Variants in ZNF704 observed in about 807,000 individuals in gnomAD.
The protein encoded by ZNF704 is zinc finger protein 704.
A neutral mutation model predicts 44.7 loss-of-function variants in ZNF704; 10 were observed. The observed-to-expected ratio is 0.22, with a 90% confidence interval of 0.14 to 0.38. ZNF704 has a LOEUF of 0.38. Among genes scored for constraint, ZNF704 ranks in the 10% least tolerant of loss-of-function variants. ZNF704 has a pLI of 1.00. For missense variants in ZNF704, 390 were observed against 545.5 expected (o/e 0.71, Z 2.84); for synonymous variants, 211 against 207.6 (o/e 1.02, Z -0.14).
chr8:80,700,709 T>C (rs1417450554), intron 2 of ZNF704, among the ~76,000 whole-genome samples: 1 of 152,138 alleles, frequency 6.6e-6, no homozygotes, highest in African/African-American at 2.4e-5. Context: ...ATGGACAAAA[T>C]GTTAACAATT....
intron 5 of ZNF704, among the ~76,000 whole-genome samples, chr8:80,667,004 G>C (rs989809747): frequency 6.6e-6 from 1 of 152,158 alleles, no homozygotes; most frequent in Non-Finnish European, 1.5e-5. Context: ...CTTTTAAAGA[G>C]AGTGGCCAGA....
intron 1 of ZNF704, among the ~76,000 whole-genome samples, chr8:80,826,175 C>T (rs948825707): frequency 2.6e-5 from 4 of 151,934 alleles, no homozygotes; most frequent in Non-Finnish European, 5.9e-5. Context: ...ATTGATAGAC[C>T]ACTAGCAAGA....
chr8:80,666,717 G>T (rs1818200250), intron 5 of ZNF704, among the ~76,000 whole-genome samples: 1 of 151,500 alleles, frequency 6.6e-6, no homozygotes, highest in Non-Finnish European at 1.5e-5. Context: ...GATGGCCAGT[G>T]ATGATGAGCA....
At chr8:80,791,438 A>G (rs1807706857) in intron 2 of ZNF704, among the ~76,000 whole-genome samples, 1 of 152,194 alleles carries the variant, frequency 6.6e-6, no homozygotes, top group Non-Finnish European at 1.5e-5. Flanking sequence ...AAATTATCAG[A>G]CCAGTGGGCA....
chr8:80,855,116 T>C (rs893747491), intron 1 of ZNF704, among the ~76,000 whole-genome samples: 6 of 152,212 alleles, frequency 3.9e-5, no homozygotes, highest in African/African-American at 9.6e-5. Context: ...GAACCACGCC[T>C]TTCTTGTTCA....
At chr8:80,722,327 G>A (rs905517719) in intron 2 of ZNF704, among the ~76,000 whole-genome samples, 1 of 152,118 alleles carries the variant, frequency 6.6e-6, no homozygotes, top group Non-Finnish European at 1.5e-5. Flanking sequence ...CGTAATCTCA[G>A]GCAGATTACA....
chr8:80,656,556 C>T (rs974121865), intron 7 of ZNF704, among the ~76,000 whole-genome samples: 1 of 152,226 alleles, frequency 6.6e-6, no homozygotes, highest in Admixed American at 6.5e-5. Flanking sequence ...AAAGACTGAA[C>T]TTCCAGTTAC....
intron 2 of ZNF704, among the ~76,000 whole-genome samples, chr8:80,790,712 T>C (rs1290572163): frequency 1.3e-5 from 2 of 151,814 alleles, no homozygotes; most frequent in African/African-American, 4.8e-5. Flanking sequence ...GACACACAGA[T>C]TGAGTGGAGC....
At position 80,727,433 on chromosome 8, in the gene ZNF704, G is replaced by GT. The variant is rs886991778; in HGVS notation, c.222-34327dup. ...AGTTCTGCAACTGGTTTTTGTTTTT[G>GT]TTTTTTTTTTTCGTTTTTAAAAATA... is the stretch of plus-strand genomic sequence containing the variant. On this transcript the variant is annotated intron_variant, in intron 2 of 8. Transcript: ENST00000327835. Among the ~76,000 whole-genome samples the GT allele has an allele frequency of 6.8e-3, 963 of 142,212 alleles. 8 individuals are homozygous for GT. Among genetic ancestry groups the GT allele is most frequent in the African/African-American group, 0.022 (838 of 38,916 alleles). The allele number at this position is 142,212 out of a possible 152,430, so 93.3% of individuals were successfully genotyped here.
intron 2 of ZNF704, among the ~76,000 whole-genome samples, chr8:80,704,732 G>A (rs1433247319): frequency 1.3e-5 from 2 of 152,208 alleles, no homozygotes; most frequent in African/African-American, 2.4e-5. Flanking sequence ...AGGTTCCCAG[G>A]GGGAGGTGCC....
intron 2 of ZNF704, among the ~76,000 whole-genome samples, chr8:80,762,358 C>G (rs1048917821): frequency 3.9e-5 from 6 of 152,146 alleles, no homozygotes; most frequent in African/African-American, 1.4e-4. Context: ...TTCCACATGA[C>G]TGGGGAGGCC....
intron 7 of ZNF704, among the ~76,000 whole-genome samples, chr8:80,651,884 A>G (rs1255745749): frequency 6.6e-6 from 1 of 152,074 alleles, no homozygotes. Flanking sequence ...GCACCACACC[A>G]CACCTATTCC....
chr8:80,814,702 T>C lies in ZNF704; in HGVS notation c.221+6672A>G, dbSNP rs80020139. ...AAAAAGAAATGTTCTAAAATTTCAA[T>C]GCTCTATTTTTTAAAAAGAAATATT... On this transcript the variant is annotated intron_variant, in intron 2 of 8. Coordinates refer to ENST00000327835, the MANE Select transcript of ZNF704 (RefSeq NM_001033723.3). Among the ~76,000 whole-genome samples, 1,007 of 152,342 alleles carry C rather than the reference T, an allele frequency of 6.6e-3. 9 individuals carry two copies. Among genetic ancestry groups the C allele is most frequent in the Middle Eastern group, 0.02 (6 of 294 alleles).
intron 1 of ZNF704, among the ~76,000 whole-genome samples, chr8:80,851,966 A>T (rs1808871835): frequency 6.6e-6 from 1 of 152,170 alleles, no homozygotes; most frequent in African/African-American, 2.4e-5. Flanking sequence ...TTTAGAGAGT[A>T]AGGACTGAGG....
intron 2 of ZNF704, among the ~76,000 whole-genome samples, chr8:80,779,668 G>T (rs145791005): frequency 7.2e-5 from 11 of 151,826 alleles, no homozygotes; most frequent in African/African-American, 2.7e-4. Context: ...TCTTCACATA[G>T]ATACTAATAA....
intron 3 of ZNF704, among the ~76,000 whole-genome samples, chr8:80,689,868 T>C (rs1046685780): frequency 1.3e-5 from 2 of 152,210 alleles, no homozygotes; most frequent in Non-Finnish European, 2.9e-5. Context: ...TGATTTATAA[T>C]ATTCTTAGGG....
At chr8:80,872,338 G>C (rs909973487) in intron 1 of ZNF704, among the ~76,000 whole-genome samples, 1 of 152,150 alleles carries the variant, frequency 6.6e-6, no homozygotes, top group African/African-American at 2.4e-5. Context: ...GGTGGTCTAG[G>C]AAATAAATTT....
chr8:80,782,104 A>T (rs561776870), intron 2 of ZNF704, among the ~76,000 whole-genome samples: 2 of 152,290 alleles, frequency 1.3e-5, no homozygotes, highest in South Asian at 4.1e-4. Context: ...AGCAATCATC[A>T]CTGCTGTCTT....
At chr8:80,823,134 C>T (rs978865282) in intron 1 of ZNF704, among the ~76,000 whole-genome samples, 5 of 152,130 alleles carry the variant, frequency 3.3e-5, no homozygotes, top group Non-Finnish European at 5.9e-5. Context: ...TCGCCTCATC[C>T]GGGAAGTGCA....
Sources: allele counts gnomAD v4.1 joint callset (sites outside exome capture counted in the v4.1 genomes callset), GRCh38; gene constraint gnomAD v4.1.1; transcripts MANE v1.5; gene names NCBI Gene and HGNC (gene_info 2026-07-23, HGNC 2026-07-21).